Variants in AGBL1 observed in about 807,000 individuals in gnomAD.
The protein encoded by AGBL1 is cytosolic carboxypeptidase 4.
A neutral mutation model predicts 118.9 loss-of-function variants in AGBL1; 130 were observed. The ratio of observed to expected loss-of-function variants is 1.09; its 90% confidence interval spans 0.95 to 1.26. The LOEUF is 1.26. AGBL1 is among the 50% of genes most tolerant of loss of function. The pLI is 0.00. For missense variants in AGBL1, 1,584 were observed against 1,298.1 expected (o/e 1.22, Z -3.38); for synonymous variants, 555 against 478.9 (o/e 1.16, Z -2.08).
At chr15:86,827,638 T>C (rs1037931214) in intron 22 of AGBL1, among the ~76,000 whole-genome samples, 1 of 143,750 alleles carries the variant, frequency 7.0e-6, no homozygotes, top group Non-Finnish European at 1.5e-5. Context: ...ACAGTGAGAA[T>C]GGCTAAGTTG....
At chr15:86,863,242 A>T (rs1434441175) in intron 22 of AGBL1, among the ~76,000 whole-genome samples, 1 of 152,202 alleles carries the variant, frequency 6.6e-6, no homozygotes, top group Non-Finnish European at 1.5e-5. Flanking sequence ...ATAAATAAGA[A>T]TTGCTCATAG....
intron 5 of AGBL1, among the ~76,000 whole-genome samples, chr15:86,186,626 A>C (rs902261827): frequency 6.6e-6 from 1 of 152,168 alleles, no homozygotes; most frequent in African/African-American, 2.4e-5. Context: ...AGCCAGGCTG[A>C]CACGGAGCCC....
intron 17 of AGBL1, among the ~76,000 whole-genome samples, chr15:86,350,513 C>T (rs766748689): frequency 4.6e-5 from 7 of 152,254 alleles, no homozygotes; most frequent in East Asian, 3.9e-4. Flanking sequence ...GTTTCTGACC[C>T]GCCTTTGCTG....
intron 22 of AGBL1, among the ~76,000 whole-genome samples, chr15:86,882,407 C>G (rs1246682599): frequency 2.6e-5 from 4 of 152,152 alleles, no homozygotes; most frequent in Non-Finnish European, 5.9e-5. Context: ...CAATTGAATT[C>G]TATCCTTTCT....
chr15:86,582,689 G>T (rs971017169), intron 21 of AGBL1, among the ~76,000 whole-genome samples: 1 of 152,050 alleles, frequency 6.6e-6, no homozygotes, highest in African/African-American at 2.4e-5. Context: ...CCATGAAAAA[G>T]GATGAGTTCA....
intron 21 of AGBL1, among the ~76,000 whole-genome samples, chr15:86,574,236 T>C (rs2084050762): frequency 6.6e-6 from 1 of 152,200 alleles, no homozygotes; most frequent in South Asian, 2.1e-4. Flanking sequence ...ACCTTCCTGT[T>C]TCCTGTTAGT....
At chr15:86,530,332 TA>T (rs1372464429) in intron 19 of AGBL1, among the ~76,000 whole-genome samples, 3 of 128,552 alleles carry the variant, frequency 2.3e-5, no homozygotes, top group Admixed American at 7.2e-5. Context: ...AAACAGACTT[TA>T]AACCAACAAA....
At chr15:87,007,127 C>T (rs753866297) in intron 24 of AGBL1, among the ~76,000 whole-genome samples, 1 of 152,006 alleles carries the variant, frequency 6.6e-6, no homozygotes, top group Non-Finnish European at 1.5e-5. Context: ...GAAATTATGC[C>T]TTTTTAACAA....
In AGBL1 at chr15:86,912,626, T is replaced by C. The variant is rs1180253238; in HGVS notation, c.*5332T>C. The C allele has an allele frequency of 4.6e-5, 7 of 152,192 alleles. No homozygotes were observed. Among genetic ancestry groups the C allele is most frequent in the Non-Finnish European group, 1.0e-4 (7 of 68,048 alleles). 9.4% of individuals were successfully genotyped at this position (152,192 alleles called of 1,614,324 possible). A position where few individuals can be genotyped will look rare whatever the true frequency, so the allele number is the denominator to read the frequency against. ...AGGAAGGTCATATTACACCCTTTCA[T>C]TTATCAGCCTGGAAAATGGTGCCGT... is the stretch of plus-strand genomic sequence containing the variant. On this transcript the variant is annotated 3_prime_UTR_variant, in exon 23 of 23. Transcript: ENST00000614907.
chr15:86,733,065 CATATT>C lies in AGBL1; in HGVS notation c.3158+58634_3158+58638del, dbSNP rs150429025. ...TATCCCGTATATATCCTATATAAAT[CATATT>C]ATATATAAATATATATATCTTATAC... On this transcript the variant is annotated intron_variant, in intron 22 of 22. Transcript: ENST00000614907. Among the ~76,000 whole-genome samples the C allele has an allele frequency of 6.2e-3, 915 of 147,964 alleles. 10 individuals carry two copies. Among genetic ancestry groups the C allele is most frequent in the African/African-American group, 0.021 (865 of 40,706 alleles).
At chr15:86,700,295 C>G (rs887776887) in intron 22 of AGBL1, among the ~76,000 whole-genome samples, 1 of 151,934 alleles carries the variant, frequency 6.6e-6, no homozygotes, top group African/African-American at 2.4e-5. Context: ...CTCCATCATT[C>G]TCTGAGCAAG....
At chr15:86,878,097 C>T (rs74576484) in intron 22 of AGBL1, among the ~76,000 whole-genome samples, 1,584 of 152,240 alleles carry the variant, frequency 0.01, 13 homozygotes, top group Middle Eastern at 0.017. Context: ...AGTAGCTCAG[C>T]GATGCCACCC....
At chr15:86,387,381 G>T (rs1296423071) in intron 17 of AGBL1, among the ~76,000 whole-genome samples, 1 of 152,142 alleles carries the variant, frequency 6.6e-6, no homozygotes, top group Non-Finnish European at 1.5e-5. Context: ...AGGAGACTAA[G>T]GACTGTGGGT....
intron 21 of AGBL1, among the ~76,000 whole-genome samples, chr15:86,650,594 ACT>A (rs537415222): frequency 7.3e-4 from 111 of 152,194 alleles, no homozygotes; most frequent in Middle Eastern, 3.4e-3. Flanking sequence ...TCCACATGAG[ACT>A]CTCTGAAAAT....
chr15:86,635,259 TC>T (rs1567094889), intron 21 of AGBL1, among the ~76,000 whole-genome samples: 126 of 57,240 alleles, frequency 2.2e-3, no homozygotes, highest in East Asian at 3.4e-3. Flanking sequence ...CTCCTCCCCC[TC>T]CCCCTCCTCC....
intron 18 of AGBL1, among the ~76,000 whole-genome samples, chr15:86,486,660 CAG>C (rs1457700588): frequency 3.3e-5 from 5 of 152,060 alleles, no homozygotes; most frequent in Non-Finnish European, 5.9e-5. Context: ...TATTATAGTA[CAG>C]ACTTTTTATT....
At chr15:86,339,964 CAAA>C (rs756139859) in intron 17 of AGBL1, among the ~76,000 whole-genome samples, 1 of 133,276 alleles carries the variant, frequency 7.5e-6, no homozygotes, top group Non-Finnish European at 1.6e-5. Context: ...GACTCCATCT[CAAA>C]AAAAAAAAAA....
intron 23 of AGBL1, among the ~76,000 whole-genome samples, chr15:86,956,860 G>T (rs2080936693): frequency 6.6e-6 from 1 of 152,084 alleles, no homozygotes; most frequent in Admixed American, 6.6e-5. Flanking sequence ...AAATTGAATG[G>T]AATAACAATT....
chr15:86,281,541 C>T (rs2141723264), intron 16 of AGBL1, among the ~76,000 whole-genome samples: 1 of 152,296 alleles, frequency 6.6e-6, no homozygotes, highest in South Asian at 2.1e-4. Flanking sequence ...ATCTTGGACT[C>T]TGATAAGGTT....
Sources: allele counts gnomAD v4.1 joint callset (sites outside exome capture counted in the v4.1 genomes callset), GRCh38; gene constraint gnomAD v4.1.1; transcripts MANE v1.5; gene names NCBI Gene and HGNC (gene_info 2026-07-23, HGNC 2026-07-21).